PPP2R2B: variants seen among roughly 807,000 people sequenced by gnomAD.
PPP2R2B encodes the protein serine/threonine-protein phosphatase 2A 55 kDa regulatory subunit B beta isoform.
A neutral mutation model predicts 46.0 loss-of-function variants in PPP2R2B; 5 were observed. The ratio of observed to expected loss-of-function variants is 0.11; its 90% CI spans 0.06 to 0.23. The LOEUF is 0.23. Ranked by LOEUF, PPP2R2B falls within the 10% of genes least tolerant of loss-of-function variation. The pLI, the probability that PPP2R2B is intolerant of heterozygous loss-of-function variation, is 1.00. For missense variants in PPP2R2B, 367 were observed against 575.0 expected, an observed-to-expected ratio of 0.64 and a Z score of 3.70; for synonymous variants, 215 against 206.7, an observed-to-expected ratio of 1.04 and a Z score of -0.34.
At chr5:146,977,246 G>T (rs1346296783) in intron 1 of PPP2R2B, among the ~76,000 whole-genome samples, 1 of 151,724 alleles carries the variant, frequency 6.6e-6, no homozygotes, top group African/African-American at 2.4e-5. Context: ...TTCTTTTTTA[G>T]AATTGCGATC....
chr5:146,608,750 A>G (rs928697972), intron 7 of PPP2R2B, among the ~76,000 whole-genome samples: 17 of 152,096 alleles, frequency 1.1e-4, no homozygotes, highest in Admixed American at 8.5e-4. Context: ...ATGCCACTGC[A>G]CTCCAGCCTG....
At chr5:146,901,382 A>G (rs1279550458) in intron 1 of PPP2R2B, among the ~76,000 whole-genome samples, 2 of 152,016 alleles carry the variant, frequency 1.3e-5, no homozygotes, top group Admixed American at 6.6e-5. Flanking sequence ...ACATGCACCT[A>G]TCATCCCAGC....
intron 2 of PPP2R2B, among the ~76,000 whole-genome samples, chr5:146,870,680 C>A (rs777350920): frequency 1.3e-5 from 2 of 152,212 alleles, no homozygotes; most frequent in Admixed American, 1.3e-4. Context: ...CTCTTCGCCA[C>A]GCTCCGTCCA....
intron 2 of PPP2R2B, among the ~76,000 whole-genome samples, chr5:147,069,783 C>CTTTTTTTTT (rs1561611794): frequency 5.0e-4 from 24 of 48,420 alleles, no homozygotes; most frequent in African/African-American, 1.7e-3. Flanking sequence ...ACATTTTATA[C>CTTTTTTTTT]TGTTTTTTTT....
chr5:147,025,600 A>G (rs1755492239), intron 1 of PPP2R2B, among the ~76,000 whole-genome samples: 1 of 152,068 alleles, frequency 6.6e-6, no homozygotes, highest in Admixed American at 6.5e-5. Context: ...AACTTCTGCT[A>G]TGTAAAAGAT....
At chr5:146,974,452 G>A (rs536213417) in intron 1 of PPP2R2B, among the ~76,000 whole-genome samples, 14 of 152,232 alleles carry the variant, frequency 9.2e-5, no homozygotes, top group African/African-American at 3.1e-4. Flanking sequence ...GGGCAGTCCC[G>A]TGCTGGGGTT....
chr5:147,003,426 G>A (rs931078506), intron 1 of PPP2R2B, among the ~76,000 whole-genome samples: 1 of 152,110 alleles, frequency 6.6e-6, no homozygotes, highest in Non-Finnish European at 1.5e-5. Flanking sequence ...GGCAGACTTG[G>A]GGAAGTTTTC....
intron 2 of PPP2R2B, among the ~76,000 whole-genome samples, chr5:146,778,847 C>T (rs1361255870): frequency 6.6e-6 from 1 of 152,182 alleles, no homozygotes; most frequent in Admixed American, 6.5e-5. Flanking sequence ...TGCTGTCTTG[C>T]CTAAAATGAA....
rs375644893 is a variant in PPP2R2B at position 146,650,372 on chromosome 5, C to T, written c.625+175G>A. Among the ~76,000 whole-genome samples the T allele has an allele frequency of 1.1e-3, 171 of 152,272 alleles. 1 individual carries two copies. The South Asian group carries it at 0.012, about 11-fold the overall frequency. On this transcript the variant is annotated intron_variant, in intron 6 of 9. Transcript: ENST00000394411. ...CCTCCCACTTGTAATAACAATATTT[C>T]CCTAACTTTATTGTTATGATTAAAG...
chr5:146,667,419 A>G (rs759708776), intron 5 of PPP2R2B, among the ~76,000 whole-genome samples: 17 of 152,042 alleles, frequency 1.1e-4, no homozygotes, highest in South Asian at 6.2e-4. Flanking sequence ...AGAAGAGAGT[A>G]TCTGAGAAAA....
chr5:146,927,777 A>G (rs1461279751), intron 1 of PPP2R2B, among the ~76,000 whole-genome samples: 3 of 150,846 alleles, frequency 2.0e-5, no homozygotes, highest in Non-Finnish European at 4.4e-5. Flanking sequence ...TCTGTCACCC[A>G]GGCTGGAGTG....
chr5:146,733,369 T>C (rs1158398735), intron 2 of PPP2R2B, among the ~76,000 whole-genome samples: 1 of 152,182 alleles, frequency 6.6e-6, no homozygotes, highest in Non-Finnish European at 1.5e-5. Flanking sequence ...GGTGAGGGGC[T>C]TCTTCCAGTT....
At chr5:146,665,140 C>A (rs1402871388) in intron 5 of PPP2R2B, among the ~76,000 whole-genome samples, 2 of 152,174 alleles carry the variant, frequency 1.3e-5, no homozygotes, top group Admixed American at 6.5e-5. Flanking sequence ...GCTGCATTAG[C>A]CCCTACTGAA....
intron 2 of PPP2R2B, among the ~76,000 whole-genome samples, chr5:146,705,221 C>T (rs1048334577): frequency 6.6e-6 from 1 of 152,050 alleles, no homozygotes; most frequent in Non-Finnish European, 1.5e-5. Flanking sequence ...AGTCATTTAC[C>T]CTACTTGCAT....
chr5:146,762,535 A>C (rs2151255650), intron 2 of PPP2R2B, among the ~76,000 whole-genome samples: 1 of 152,372 alleles, frequency 6.6e-6, no homozygotes, highest in Non-Finnish European at 1.5e-5. Context: ...AAAATATCTA[A>C]GCATTCTCAC....
rs1439099915 is a variant in PPP2R2B at position 146,639,628 on chromosome 5, G to A, written c.626-1213C>T. On this transcript the variant is annotated intron_variant, in intron 6 of 9. Transcript: ENST00000394411. ...GATGTGGATGCTGTTACACAGTAAAGCTGACCAACAGGACTCCCACTTTTC... is the reference window on the plus strand; with the variant it reads ...GATGTGGATGCTGTTACACAGTAAAACTGACCAACAGGACTCCCACTTTTC... Among the ~76,000 whole-genome samples, 6 of 152,284 alleles carry A rather than the reference G, an allele frequency of 3.9e-5. No homozygotes were observed. In the South Asian group the frequency reaches 1.2e-3, roughly 32 times the overall value.
At position 146,600,420 on chromosome 5, in the gene PPP2R2B, G is replaced by T; in HGVS notation, c.831C>A (p.Phe277Leu). Residue 277 changes from phenylalanine (F) to leucine (L), a missense_variant, in exon 8 of 10, where the codon TTC becomes TTA. Physicochemically the swap from Phe to Leu is conservative, Grantham distance 22 (BLOSUM62 0). Coordinates refer to ENST00000394411, the MANE Select transcript of PPP2R2B (RefSeq NM_181675.4). Reference protein sequence around the residue: ...EPEDPSNRSFFSEIISSISDV... With the variant: ...EPEDPSNRSFLSEIISSISDV... ...CCGAAATCGAAGAGATAATTTCAGAGAAAAATGATCTGTTGCTTGGATCTT... is the reference window on the plus strand; with the variant it reads ...CCGAAATCGAAGAGATAATTTCAGATAAAAATGATCTGTTGCTTGGATCTT... 6.2e-7 allele frequency: 1 copy of T among 1,613,876 alleles called. No homozygotes were observed. The highest frequency in any genetic ancestry group is 8.5e-7 in the Non-Finnish European group (1 of 1,179,890).
chr5:146,940,510 G>GA (rs1764286883), intron 1 of PPP2R2B, among the ~76,000 whole-genome samples: 4 of 137,242 alleles, frequency 2.9e-5, no homozygotes, highest in East Asian at 5.2e-4. Flanking sequence ...ATTTGCTAGG[G>GA]GAAAAAAAAA....
At chr5:146,665,190 G>A (rs1776909608) in intron 5 of PPP2R2B, among the ~76,000 whole-genome samples, 2 of 152,322 alleles carry the variant, frequency 1.3e-5, no homozygotes, top group South Asian at 4.1e-4. Flanking sequence ...GATAGCTATT[G>A]ACTTCTCTCC....
Sources: gnomAD v4.1 joint callset for allele counts (sites outside exome capture counted in the v4.1 genomes callset) on GRCh38, gnomAD v4.1.1 for gene constraint, MANE v1.5 for transcripts, NCBI Gene and HGNC (gene_info 2026-07-23, HGNC 2026-07-21) for gene names.